The following LGSN variants were observed in gnomAD, a reference collection of about 807,000 sequenced individuals.
The protein encoded by LGSN is lengsin.
A neutral mutation model predicts 19.5 loss-of-function variants in LGSN; 21 were observed. That is an observed-to-expected ratio of 1.07 (90% confidence interval 0.76 to 1.55). The LOEUF (loss-of-function observed/expected upper bound fraction) is 1.55. Ranked by LOEUF, LGSN falls within the 40% of genes most tolerant of loss-of-function variation. The pLI, the probability that LGSN is intolerant of heterozygous loss-of-function variation, is 0.00. For synonymous variants in LGSN, 257 were observed against 215.6 expected, an observed-to-expected ratio of 1.19 and a Z score of -1.68; for missense variants, 673 against 608.5, an observed-to-expected ratio of 1.11 and a Z score of -1.12.
the LGSN span, among the ~76,000 whole-genome samples, chr6:63,326,750 C>T: frequency 6.6e-6 from 1 of 152,238 alleles, no homozygotes; most frequent in Non-Finnish European, 1.5e-5. Context: ...GCTTTGAGTG[C>T]AGGGCCTGCC....
At chr6:63,441,879 C>T in the LGSN span, 2 of 265,546 alleles carry the variant, frequency 7.5e-6, no homozygotes, top group Non-Finnish European at 7.3e-6. Context: ...CAGCAGCTGC[C>T]CCTTTGTGTC....
At chr6:63,565,811 A>G in the LGSN span, among the ~76,000 whole-genome samples, 7 of 152,260 alleles carry the variant, frequency 4.6e-5, no homozygotes, top group African/African-American at 7.2e-5. Context: ...AACTTACTCA[A>G]AAGACTTTTG....
intron 1 of LGSN, among the ~76,000 whole-genome samples, chr6:63,302,240 GTTTA>G (rs1400171097): frequency 1.3e-5 from 2 of 152,086 alleles, no homozygotes; most frequent in Admixed American, 6.6e-5. Flanking sequence ...CAATAATTAT[GTTTA>G]TTTATGTTAA....
At chr6:63,431,277 C>T in the LGSN span, among the ~76,000 whole-genome samples, 1 of 152,170 alleles carries the variant, frequency 6.6e-6, no homozygotes, top group Non-Finnish European at 1.5e-5. Flanking sequence ...TCAGGCCGTT[C>T]AAAGCCAAGC....
the LGSN span, among the ~76,000 whole-genome samples, chr6:63,328,180 T>C: frequency 3.3e-5 from 5 of 152,192 alleles, no homozygotes; most frequent in Admixed American, 3.3e-4. Context: ...CATCAATAAC[T>C]ATGGCATAAC....
At chr6:63,428,521 T>C in the LGSN span, among the ~76,000 whole-genome samples, 18 of 152,156 alleles carry the variant, frequency 1.2e-4, no homozygotes, top group South Asian at 2.7e-3. Context: ...CCAGCTAATT[T>C]TGTATTTTTA....
chr6:63,380,109 A>ATT, the LGSN span, among the ~76,000 whole-genome samples: 4 of 152,212 alleles, frequency 2.6e-5, no homozygotes, highest in Non-Finnish European at 5.9e-5. Flanking sequence ...AAGTGCTAGG[A>ATT]TTACAGGCAT....
At chr6:63,362,332 AG>A in the LGSN span, among the ~76,000 whole-genome samples, 1 of 152,200 alleles carries the variant, frequency 6.6e-6, no homozygotes, top group Admixed American at 6.5e-5. Context: ...TTTCCAACTG[AG>A]GTACCAGGTT....
chr6:63,565,171 C>A, the LGSN span, among the ~76,000 whole-genome samples: 3 of 151,988 alleles, frequency 2.0e-5, no homozygotes, highest in African/African-American at 4.8e-5. Flanking sequence ...CACCATCATG[C>A]CCAGATAATT....
At chr6:63,501,216 A>T in the LGSN span, among the ~76,000 whole-genome samples, 1 of 152,084 alleles carries the variant, frequency 6.6e-6, no homozygotes, top group African/African-American at 2.4e-5. Context: ...TATTAAAAAT[A>T]CAAAAAATTA....
chr6:63,343,985 G>C, the LGSN span, among the ~76,000 whole-genome samples: 5 of 151,962 alleles, frequency 3.3e-5, no homozygotes, highest in Non-Finnish European at 7.4e-5. Context: ...AAGGAAACAG[G>C]GACCTGAGTC....
At chr6:63,558,394 C>T in the LGSN span, among the ~76,000 whole-genome samples, 2 of 152,148 alleles carry the variant, frequency 1.3e-5, no homozygotes, top group African/African-American at 2.4e-5. Context: ...TGAGCCACTG[C>T]TCTCCAGACT....
chr6:63,465,185 CTTTG>C, the LGSN span, among the ~76,000 whole-genome samples: 8 of 151,726 alleles, frequency 5.3e-5, no homozygotes, highest in African/African-American at 1.7e-4. Context: ...TGTTGTTGCT[CTTTG>C]TTTGTTTTGA....
At chr6:63,373,125 G>T in the LGSN span, among the ~76,000 whole-genome samples, 1 of 152,106 alleles carries the variant, frequency 6.6e-6, no homozygotes, top group Admixed American at 6.5e-5. Flanking sequence ...ACATCCCTTT[G>T]ACTCCCAATG....
chr6:63,381,194 C>A, the LGSN span, among the ~76,000 whole-genome samples: 1 of 151,950 alleles, frequency 6.6e-6, no homozygotes, highest in African/African-American at 2.4e-5. Context: ...AGAGTGAGAC[C>A]CTGTCTCAAA....
the LGSN span, among the ~76,000 whole-genome samples, chr6:63,342,393 T>C: frequency 1.3e-5 from 2 of 152,228 alleles, no homozygotes; most frequent in Non-Finnish European, 2.9e-5. Flanking sequence ...TATTGGCATA[T>C]AATAGATTAT....
the LGSN span, among the ~76,000 whole-genome samples, chr6:63,450,892 T>C: frequency 6.6e-6 from 1 of 152,042 alleles, no homozygotes; most frequent in Non-Finnish European, 1.5e-5. Context: ...CAGGCTGGTC[T>C]CGAATTCCTG....
chr6:63,340,943 A>G, the LGSN span, among the ~76,000 whole-genome samples: 1 of 152,016 alleles, frequency 6.6e-6, no homozygotes, highest in African/African-American at 2.4e-5. Flanking sequence ...ATAGCGAAAG[A>G]CTTTTTTCCT....
chr6:63,396,442 C>A, the LGSN span: 1 of 180,120 alleles, frequency 5.6e-6, no homozygotes. Flanking sequence ...GCTTCTTTTG[C>A]CATAGGCTCC....
Sources: allele counts gnomAD v4.1 joint callset (sites outside exome capture counted in the v4.1 genomes callset), GRCh38; gene constraint gnomAD v4.1.1; transcripts MANE v1.5; gene names NCBI Gene and HGNC (gene_info 2026-07-23, HGNC 2026-07-21).